The following MROH1 variants were observed in gnomAD, a reference collection of about 807,000 sequenced individuals.
MROH1 encodes the protein maestro heat-like repeat-containing protein family member 1.
A neutral mutation model predicts 116.5 loss-of-function variants in MROH1; 117 were observed. That is an observed-to-expected ratio of 1.00 (90% CI 0.86 to 1.17). The LOEUF (loss-of-function observed/expected upper bound fraction) is 1.17, where lower values mean the gene tolerates loss of function less well. MROH1 is among the 50% of genes most tolerant of loss of function. The pLI is 0.00. For synonymous variants in MROH1, 921 were observed against 583.9 expected (o/e 1.58, Z -8.32); for missense variants, 1,873 against 1,338.5 (o/e 1.40, Z -6.23).
At chr8:144,169,837 T>C (rs1008406130) in intron 4 of MROH1, among the ~76,000 whole-genome samples, 3 of 150,982 alleles carry the variant, frequency 2.0e-5, no homozygotes, top group South Asian at 2.1e-4. Flanking sequence ...TATTATTTAT[T>C]TATATATGTT....
chr8:144,232,683 T>C (rs1839152847), intron 14 of MROH1, among the ~76,000 whole-genome samples: 1 of 151,678 alleles, frequency 6.6e-6, no homozygotes, highest in Non-Finnish European at 1.5e-5. Context: ...TCAGTAGAGA[T>C]GGGTTTTCAC....
At chr8:144,255,405 G>T in intron 34 of MROH1, 104 bp from the exon 35 acceptor site, 1 of 696,494 alleles carries the variant, frequency 1.4e-6, no homozygotes. Flanking sequence ...TGAGACCTCC[G>T]AGCACATGAT....
chr8:144,179,576 C>A lies in MROH1; in HGVS notation c.290C>A (p.Thr97Asn), dbSNP rs534045828. The A allele has an allele frequency of 6.2e-7, 1 of 1,609,842 alleles. No homozygotes were observed. The highest frequency in any genetic ancestry group is 8.5e-7 in the Non-Finnish European group (1 of 1,178,384). The change falls in exon 5 of 44, where the codon ACC (threonine) becomes AAC (asparagine). Residue 97 changes from threonine to asparagine, a missense_variant. Transcript: ENST00000326134. Reference sequence around the variant, plus strand: ...ATCCTCCTGGCCTCCAGCGAGATGACCAAGACGAAGGTATTCAGCAGGCCC... The same window carrying A: ...ATCCTCCTGGCCTCCAGCGAGATGAACAAGACGAAGGTATTCAGCAGGCCC... ...TIILLASSEM[T>N]KTKDLVWDWQ...
At chr8:144,156,780 C>CTTTTT (rs1188353149) in intron 1 of MROH1, among the ~76,000 whole-genome samples, 3 of 82,410 alleles carry the variant, frequency 3.6e-5, no homozygotes, top group Non-Finnish European at 6.7e-5. Flanking sequence ...AGTTTAATTT[C>CTTTTT]TTTTTTTTTT....
intron 14 of MROH1, among the ~76,000 whole-genome samples, chr8:144,225,916 T>G (rs1386973075): frequency 7.0e-6 from 1 of 143,280 alleles, no homozygotes; most frequent in East Asian, 2.0e-4. Flanking sequence ...TTTAGTTTTT[T>G]TTTTTTTTTT....
intron 31 of MROH1, among the ~76,000 whole-genome samples, chr8:144,248,064 A>T (rs897779983): frequency 4.6e-5 from 7 of 152,196 alleles, no homozygotes; most frequent in Non-Finnish European, 4.4e-5. Flanking sequence ...TTGTCCCCAG[A>T]GGCTACCCAA....
intron 12 of MROH1, among the ~76,000 whole-genome samples, chr8:144,208,199 C>T (rs111760118): frequency 6.6e-6 from 1 of 152,172 alleles, no homozygotes; most frequent in African/African-American, 2.4e-5. Flanking sequence ...CCGCCTCGGC[C>T]TCCCAAAATG....
chr8:144,208,805 C>T (rs1159581551), intron 12 of MROH1, among the ~76,000 whole-genome samples: 7 of 151,954 alleles, frequency 4.6e-5, no homozygotes, highest in African/African-American at 1.7e-4. Flanking sequence ...CTTACTGCAG[C>T]CTCTGTCTCT....
At chr8:144,259,415 C>T (rs911480712) in intron 37 of MROH1, 61 bp downstream of exon 37, 99 of 712,648 alleles carry the variant, frequency 1.4e-4, no homozygotes, top group East Asian at 3.5e-4. Context: ...AGGACAGGCA[C>T]GGGATGCCCT....
chr8:144,244,546 A>AG lies in MROH1; in HGVS notation c.2766+13dup, dbSNP rs1186602676. The AG allele has an allele frequency of 1.3e-5, 10 of 752,614 alleles. No individual in the cohort carries two copies. The highest frequency in any genetic ancestry group is 2.3e-4 in the Middle Eastern group (1 of 4,372). 46.6% of individuals were successfully genotyped at this position (752,614 alleles called of 1,614,324 possible). On this transcript the variant is annotated splice_region_variant and intron_variant, in intron 28 of 43. Coordinates refer to ENST00000326134, the MANE Select transcript of MROH1 (RefSeq NM_032450.3). Reference sequence around the variant, plus strand: ...CCTGCAGATCATGATTGAGGTGTGCAGGGGGGAACTGTCATGGGGATGGGG... The same window carrying AG: ...CCTGCAGATCATGATTGAGGTGTGCAGGGGGGGAACTGTCATGGGGATGGGG...
intron 1 of MROH1, among the ~76,000 whole-genome samples, chr8:144,159,622 G>A (rs578046155): frequency 1.2e-4 from 19 of 152,140 alleles, no homozygotes; most frequent in African/African-American, 4.1e-4. Context: ...CTTTCCTGTA[G>A]TTTCTCAAAC....
intron 1 of MROH1, among the ~76,000 whole-genome samples, chr8:144,149,965 G>A (rs909701550): frequency 3.3e-5 from 5 of 152,132 alleles, no homozygotes; most frequent in African/African-American, 1.2e-4. Flanking sequence ...TGCTGGGAGA[G>A]AAGGTTCCTT....
chr8:144,247,521 G>A (rs1029287913), intron 30 of MROH1, 46 bp from the exon 31 acceptor site: 14 of 758,872 alleles, frequency 1.8e-5, no homozygotes, highest in South Asian at 9.8e-5. Context: ...CTGTGGGATC[G>A]CCAGGGAGGG....
intron 22 of MROH1, 121 bp from the exon 23 acceptor site, chr8:144,242,248 G>A (rs1435318565): frequency 7.8e-6 from 6 of 771,726 alleles, no homozygotes; most frequent in African/African-American, 6.8e-5. Context: ...TCACACCTCT[G>A]CTGTCACTGA....
chr8:144,243,180 G>A (rs1163664927), intron 24 of MROH1, among the ~76,000 whole-genome samples: 1 of 152,186 alleles, frequency 6.6e-6, no homozygotes, highest in African/African-American at 2.4e-5. Flanking sequence ...GGAGGGCGGG[G>A]CTGTTCTGAG....
intron 13 of MROH1, among the ~76,000 whole-genome samples, chr8:144,221,096 C>T (rs1391005444): frequency 1.3e-5 from 2 of 152,196 alleles, no homozygotes; most frequent in Non-Finnish European, 2.9e-5. Context: ...GGGTCGCGGA[C>T]AGTGTTAGAC....
intron 4 of MROH1, chr8:144,175,535 A>G: frequency 1.0e-6 from 1 of 985,456 alleles, no homozygotes; most frequent in Non-Finnish European, 1.2e-6. Context: ...TAATCCACCC[A>G]CTTAGAGCCT....
intron 38 of MROH1, 48 bp downstream of exon 38, chr8:144,260,105 G>A: frequency 2.7e-6 from 2 of 742,668 alleles, no homozygotes; most frequent in Non-Finnish European, 4.9e-6. Flanking sequence ...ATGGGTGGGG[G>A]GCTGTGCATG....
chr8:144,239,635 C>A lies in MROH1; in HGVS notation c.1654C>A (p.Leu552Ile). ...TCAGGTTGTGTCTTCCAGCCCCTAC[C>A]TAGGGGACGGACGTGGGGCAGCGGC... ...RLLVVSSSPY[L>I]GDGRGAAALR... Residue 552 changes from leucine to isoleucine, a missense_variant, in exon 18 of 44, where the codon CTA becomes ATA. Transcript: ENST00000326134. The A allele has an allele frequency of 5.2e-6, 4 of 771,268 alleles. No individual in the cohort carries two copies. The highest frequency in any genetic ancestry group is 9.7e-6 in the Non-Finnish European group (4 of 413,990). 47.8% of individuals were successfully genotyped at this position (771,268 alleles called of 1,614,324 possible).
Sources: gnomAD v4.1 joint callset for allele counts (sites outside exome capture counted in the v4.1 genomes callset) on GRCh38, gnomAD v4.1.1 for gene constraint, MANE v1.5 for transcripts, NCBI Gene and HGNC (gene_info 2026-07-23, HGNC 2026-07-21) for gene names.